CNGB3: variants seen among roughly 807,000 people sequenced by gnomAD.
The protein encoded by CNGB3 is cyclic nucleotide gated channel subunit beta 3.
In CNGB3, 86 loss-of-function variants were observed where a neutral mutation model predicts 92.8. The observed-to-expected ratio is 0.93, with a 90% CI of 0.78 to 1.11. The LOEUF is 1.11. Among genes scored for constraint, CNGB3 ranks in the 50% least tolerant of loss-of-function variants. The probability of loss-of-function intolerance (pLI) is 0.00; values close to 1 mark genes in which losing one functional copy is unlikely to be tolerated. For missense variants in CNGB3, 1,026 were observed against 956.8 expected (o/e 1.07, Z -0.95); for synonymous variants, 333 against 332.7 (o/e 1.00, Z -0.01).
intron 6 of CNGB3, chr8:86,658,852 TC>T (rs1420030778): frequency 1.5e-6 from 1 of 651,540 alleles, no homozygotes; most frequent in Non-Finnish European, 2.8e-6. Context: ...TTCTGCATGG[TC>T]TCCAGGGTTT....
intron 15 of CNGB3, among the ~76,000 whole-genome samples, chr8:86,603,883 G>A (rs911602454): frequency 6.6e-6 from 1 of 152,154 alleles, no homozygotes; most frequent in Non-Finnish European, 1.5e-5. Flanking sequence ...ACTGCTCTAG[G>A]TCCTGGACTA....
At chr8:86,728,038 A>C (rs964176629) in intron 2 of CNGB3, among the ~76,000 whole-genome samples, 1 of 152,188 alleles carries the variant, frequency 6.6e-6, no homozygotes, top group Non-Finnish European at 1.5e-5. Context: ...AGACTAAGAA[A>C]GCCTAAATTC....
At chr8:86,652,178 C>G (rs1238448898) in intron 7 of CNGB3, among the ~76,000 whole-genome samples, 1 of 151,862 alleles carries the variant, frequency 6.6e-6, no homozygotes, top group Non-Finnish European at 1.5e-5. Flanking sequence ...CTAAACACAT[C>G]TAAACATTGA....
chr8:86,592,888 T>G (rs539329885), intron 15 of CNGB3, among the ~76,000 whole-genome samples: 3 of 152,316 alleles, frequency 2.0e-5, no homozygotes, highest in Admixed American at 2.0e-4. Flanking sequence ...TTGTCAACAT[T>G]ATTAGGAAAC....
chr8:86,600,365 G>T (rs2131555676), intron 15 of CNGB3, among the ~76,000 whole-genome samples: 1 of 152,228 alleles, frequency 6.6e-6, no homozygotes, highest in Admixed American at 6.5e-5. Flanking sequence ...CACTGTGCCT[G>T]GCAAAGAAGG....
chr8:86,574,221 G>A lies in CNGB3; in HGVS notation c.*1583C>T, dbSNP rs1821615655. 6.6e-6 allele frequency: 1 copy of A among 152,120 alleles called. No individual in the cohort carries two copies. Among genetic ancestry groups the A allele is most frequent in the Non-Finnish European group, 1.5e-5 (1 of 68,028 alleles). 9.4% of individuals were successfully genotyped at this position (152,120 alleles called of 1,614,324 possible). On this transcript the variant is annotated 3_prime_UTR_variant, in exon 18 of 18. Coordinates refer to ENST00000320005, the MANE Select transcript of CNGB3 (RefSeq NM_019098.5). ...TTTAATATCATTTGAATAAATTACA[G>A]GGTGTAAAGGGAAAGCATATTGCTC...
chr8:86,677,653 GA>G (rs1824001018), intron 3 of CNGB3, among the ~76,000 whole-genome samples: 1 of 152,104 alleles, frequency 6.6e-6, no homozygotes, highest in Non-Finnish European at 1.5e-5. Flanking sequence ...CAATTAGAGA[GA>G]CAGATCTAAA....
At chr8:86,679,931 C>G (rs1586011912) in intron 3 of CNGB3, among the ~76,000 whole-genome samples, 1 of 152,268 alleles carries the variant, frequency 6.6e-6, no homozygotes, top group Admixed American at 6.5e-5. Flanking sequence ...AGGCAGCCAT[C>G]TACTATCCAT....
At chr8:86,740,667 A>G (rs909007288) in intron 1 of CNGB3, among the ~76,000 whole-genome samples, 2 of 152,310 alleles carry the variant, frequency 1.3e-5, no homozygotes, top group Admixed American at 6.5e-5. Context: ...GAGTTTTGAC[A>G]TTATTTATAA....
intron 6 of CNGB3, among the ~76,000 whole-genome samples, chr8:86,666,143 A>G (rs1431099953): frequency 5.3e-5 from 8 of 152,224 alleles, no homozygotes; most frequent in African/African-American, 1.9e-4. Flanking sequence ...TACCTATCTT[A>G]TTTTTAAAAG....
chr8:86,706,995 A>G (rs1278378981), intron 3 of CNGB3, among the ~76,000 whole-genome samples: 3 of 152,226 alleles, frequency 2.0e-5, no homozygotes, highest in Non-Finnish European at 2.9e-5. Context: ...AGCTTGATCA[A>G]ATAAATGTAT....
chr8:86,642,972 G>T lies in CNGB3; in HGVS notation c.1178+779C>A, dbSNP rs1482726259. Among the ~76,000 whole-genome samples the T allele has an allele frequency of 2.6e-5, 4 of 151,324 alleles. No individual in the cohort carries two copies. In the East Asian group the frequency reaches 7.7e-4, roughly 29 times the overall value. Reference sequence around the variant, plus strand: ...ACCTGCCCTTTAAATAATTAACATTGTTCATTACTAACAATCGGCATCGGA... The same window carrying T: ...ACCTGCCCTTTAAATAATTAACATTTTTCATTACTAACAATCGGCATCGGA... On this transcript the variant is annotated intron_variant, in intron 10 of 17. Coordinates refer to ENST00000320005, the MANE Select transcript of CNGB3 (RefSeq NM_019098.5).
rs188746034 is a variant in CNGB3 at position 86,621,971 on chromosome 8, G to A, written c.1578+4012C>T. Among the ~76,000 whole-genome samples the A allele has an allele frequency of 3.4e-3, 522 of 152,238 alleles. 4 individuals carry two copies. The highest frequency in any genetic ancestry group is 0.012 in the African/African-American group (482 of 41,546). ...TGAGGCAGGAGAATCGCTTGAACCCGGGAGGCACAGGTTGCAGTGAGCCGA... is the reference window on the plus strand; with the variant it reads ...TGAGGCAGGAGAATCGCTTGAACCCAGGAGGCACAGGTTGCAGTGAGCCGA... On this transcript the variant is annotated intron_variant, in intron 13 of 17. Transcript: ENST00000320005.
At chr8:86,715,848 A>T (rs1438734351) in intron 3 of CNGB3, among the ~76,000 whole-genome samples, 2 of 127,490 alleles carry the variant, frequency 1.6e-5, no homozygotes, top group Admixed American at 8.6e-5. Context: ...GGGGGGAGGG[A>T]TAGCATTAAG....
At chr8:86,610,888 A>C (rs1333522904) in intron 14 of CNGB3, among the ~76,000 whole-genome samples, 1 of 152,238 alleles carries the variant, frequency 6.6e-6, no homozygotes, top group African/African-American at 2.4e-5. Flanking sequence ...CCATAGACTG[A>C]AACATCATGC....
At chr8:86,615,394 G>T (rs530629974) in intron 13 of CNGB3, among the ~76,000 whole-genome samples, 7 of 152,164 alleles carry the variant, frequency 4.6e-5, no homozygotes, top group Non-Finnish European at 7.4e-5. Context: ...CTTGAGCTCA[G>T]GAGTTTGAGA....
rs148572872 is a variant in CNGB3 at position 86,629,021 on chromosome 8, C to A, written c.1378G>T (p.Asp460Tyr). Residue 460 changes from aspartate (D) to tyrosine (Y), a missense_variant, in exon 12 of 18, where the codon GAT (aspartate) becomes TAT (tyrosine). Physicochemically the swap from Asp to Tyr is radical, Grantham distance 160. Transcript: ENST00000320005. ...ANQNYFRACM[D>Y]DTIAYMNNYS... is the part of the protein sequence containing the mutation. ...TTGTTCATGTAGGCAATGGTGTCATCCATGCAGGCGCGGAAGTAGTTCTGA... is the reference window on the plus strand; with the variant it reads ...TTGTTCATGTAGGCAATGGTGTCATACATGCAGGCGCGGAAGTAGTTCTGA... 1.2e-6 allele frequency: 2 copies of A among 1,614,020 alleles called. No individual in the cohort carries two copies. Among genetic ancestry groups the A allele is most frequent in the Non-Finnish European group, 1.7e-6 (2 of 1,179,964 alleles).
At chr8:86,596,709 G>A (rs1822178650) in intron 15 of CNGB3, among the ~76,000 whole-genome samples, 1 of 152,168 alleles carries the variant, frequency 6.6e-6, no homozygotes, top group African/African-American at 2.4e-5. Context: ...CAATAAAAAT[G>A]GGGCTTTTCA....
intron 3 of CNGB3, among the ~76,000 whole-genome samples, chr8:86,720,899 A>G (rs1824960326): frequency 6.6e-6 from 1 of 150,406 alleles, no homozygotes; most frequent in Admixed American, 6.7e-5. Flanking sequence ...AATACTACTC[A>G]GCCATGAAAA....
Sources: gnomAD v4.1 joint callset for allele counts (sites outside exome capture counted in the v4.1 genomes callset) on GRCh38, gnomAD v4.1.1 for gene constraint, MANE v1.5 for transcripts, NCBI Gene and HGNC (gene_info 2026-07-23, HGNC 2026-07-21) for gene names.